SNRNP40: variants seen among roughly 807,000 people sequenced by gnomAD.
SNRNP40 encodes small nuclear ribonucleoprotein U5 subunit 40, also known as U5 small nuclear ribonucleoprotein 40 kDa protein.
A neutral mutation model predicts 45.8 loss-of-function variants in SNRNP40; 21 were observed. The observed-to-expected ratio is 0.46, with a 90% CI of 0.32 to 0.66. The LOEUF is 0.66. Among genes scored for constraint, SNRNP40 ranks in the 30% least tolerant of loss-of-function variants. The pLI, the probability that SNRNP40 is intolerant of heterozygous loss-of-function variation, is 0.03. For synonymous variants in SNRNP40, 142 were observed against 163.8 expected, an observed-to-expected ratio of 0.87 and a Z score of 1.01; for missense variants, 344 against 439.1, an observed-to-expected ratio of 0.78 and a Z score of 1.94.
chr1:31,294,200 T>C (rs1405544076), intron 1 of SNRNP40, among the ~76,000 whole-genome samples: 1 of 152,082 alleles, frequency 6.6e-6, no homozygotes, highest in Admixed American at 6.5e-5. Flanking sequence ...TCATGTGATC[T>C]GCCTGCCTTG....
rs546871996 is a variant in SNRNP40 at position 31,266,055 on chromosome 1, T to C, written c.920+1816A>G. Among the ~76,000 whole-genome samples the C allele has an allele frequency of 2.0e-5, 3 of 152,296 alleles. No homozygotes were observed. In the South Asian group the frequency reaches 6.2e-4, roughly 32 times the overall value. On this transcript the variant is annotated intron_variant, in intron 8 of 9. Coordinates refer to ENST00000263694, the MANE Select transcript of SNRNP40 (RefSeq NM_004814.3). ...CACTCAAATGATCAATGTGACACTT[T>C]CACCTGGACCCTTTCTTTTTCCTCC...
At chr1:31,272,752 G>A (rs1054034357) in intron 5 of SNRNP40, among the ~76,000 whole-genome samples, 4 of 151,802 alleles carry the variant, frequency 2.6e-5, no homozygotes, top group Non-Finnish European at 4.4e-5. Flanking sequence ...AAGCTATTAA[G>A]CAAAAAAGGA....
chr1:31,282,510 T>C (rs1432331209), intron 4 of SNRNP40: 4 of 148,870 alleles, frequency 2.7e-5, no homozygotes, highest in East Asian at 4.1e-4. Context: ...TATCTATCTA[T>C]CTATCTATCT....
At position 31,293,420 on chromosome 1, in the gene SNRNP40, G is replaced by A. The variant is rs1158002758; in HGVS notation, c.142-72C>T. 1.0e-5 allele frequency: 15 copies of A among 1,459,418 alleles called. No homozygotes were observed. In the East Asian group the frequency reaches 3.3e-4, roughly 32 times the overall value. The allele number at this position is 1,459,418 out of a possible 1,614,324, so 90.4% of individuals were successfully genotyped here. A position where few individuals can be genotyped will look rare whatever the true frequency, so the allele number is the denominator to read the frequency against. ...AGGCTACAAAATTAGGGGGTGGGGA[G>A]TGGAGGGAAAAGACCAAGAAAACAA... On this transcript the variant is annotated intron_variant, in intron 1 of 9. Coordinates refer to ENST00000263694, the MANE Select transcript of SNRNP40 (RefSeq NM_004814.3).
chr1:31,261,514 T>A lies in SNRNP40; in HGVS notation c.1024+15A>T. 6.4e-7 allele frequency: 1 copy of A among 1,563,832 alleles called. No individual in the cohort carries two copies. Among genetic ancestry groups the A allele is most frequent in the Non-Finnish European group, 8.8e-7 (1 of 1,134,526 alleles). ...ATTTCCAGTTTCCCTTTCCCCCTCGTTGGGACAGACTTACTGATGGGCTCA... is the reference window on the plus strand; with the variant it reads ...ATTTCCAGTTTCCCTTTCCCCCTCGATGGGACAGACTTACTGATGGGCTCA... On this transcript the variant is annotated intron_variant, in intron 9 of 9. Coordinates refer to ENST00000263694, the MANE Select transcript of SNRNP40 (RefSeq NM_004814.3).
intron 5 of SNRNP40, among the ~76,000 whole-genome samples, 159 bp from the exon 6 acceptor site, chr1:31,271,658 A>ATTTTTTTTT (rs113021667): frequency 6.7e-6 from 1 of 150,248 alleles, no homozygotes. Context: ...TTTAATTTTC[A>ATTTTTTTTT]TTTTTTTTTT....
At chr1:31,286,576 T>C (rs1050997016) in intron 4 of SNRNP40, among the ~76,000 whole-genome samples, 1 of 152,102 alleles carries the variant, frequency 6.6e-6, no homozygotes, top group Non-Finnish European at 1.5e-5. Context: ...CACCAAATCA[T>C]TTCTACCCTG....
intron 4 of SNRNP40, chr1:31,281,760 C>T (rs1646018069): frequency 7.3e-6 from 2 of 274,336 alleles, no homozygotes; most frequent in Non-Finnish European, 6.9e-6. Context: ...AATCAACATA[C>T]TCTTAGAATG....
chr1:31,284,833 A>T (rs888820314), intron 4 of SNRNP40, among the ~76,000 whole-genome samples: 2 of 152,208 alleles, frequency 1.3e-5, no homozygotes, highest in African/African-American at 4.8e-5. Context: ...ACTAAAAATT[A>T]GTTCATTACT....
chr1:31,269,450 T>G, intron 6 of SNRNP40: 1 of 1,230,174 alleles, frequency 8.1e-7, no homozygotes, highest in Non-Finnish European at 1.1e-6. Context: ...TGGGGCTAGC[T>G]GAGGGGGCAG....
intron 7 of SNRNP40, among the ~76,000 whole-genome samples, chr1:31,268,387 A>T (rs968347661): frequency 2.0e-5 from 3 of 150,614 alleles, no homozygotes; most frequent in Non-Finnish European, 4.4e-5. Flanking sequence ...GGCCCAAGTG[A>T]TCCTCCCACT....
chr1:31,287,125 T>C (rs1286204442), intron 4 of SNRNP40, among the ~76,000 whole-genome samples: 1 of 152,200 alleles, frequency 6.6e-6, no homozygotes, highest in Non-Finnish European at 1.5e-5. Flanking sequence ...TGACTTTTTT[T>C]CCTCTTAAAC....
At chr1:31,269,963 C>T (rs991075240) in intron 6 of SNRNP40, among the ~76,000 whole-genome samples, 2 of 152,028 alleles carry the variant, frequency 1.3e-5, no homozygotes, top group Non-Finnish European at 2.9e-5. Context: ...AGTGCAGTGG[C>T]GTGATCTCGG....
intron 4 of SNRNP40, 47 bp from the exon 5 acceptor site, chr1:31,281,543 G>A (rs748039725): frequency 1.3e-6 from 2 of 1,558,638 alleles, no homozygotes; most frequent in Non-Finnish European, 1.8e-6. Flanking sequence ...ATTCTAAGAA[G>A]CAATTGCACA....
Position 31,259,771 on chromosome 1 carries a change from ATCCC to A in SNRNP40, c.*297_*300del. ...AGCCAGTTACAAAAAAAAAAAAAAAATCCCAACCAACAAATTTGTCACATTGGGC... is the reference window on the plus strand; with the variant it reads ...AGCCAGTTACAAAAAAAAAAAAAAAAAACCAACAAATTTGTCACATTGGGC... On this transcript the variant is annotated 3_prime_UTR_variant, in exon 10 of 10. Transcript: ENST00000263694. 1 of 520,784 alleles carries A rather than the reference ATCCC, an allele frequency of 1.9e-6. No individual in the cohort carries two copies. Among genetic ancestry groups the A allele is most frequent in the Non-Finnish European group, 3.5e-6 (1 of 282,408 alleles). 32.3% of individuals were successfully genotyped at this position (520,784 alleles called of 1,614,324 possible).
chr1:31,287,381 T>C (rs552581530), intron 4 of SNRNP40, among the ~76,000 whole-genome samples: 2 of 152,218 alleles, frequency 1.3e-5, no homozygotes, highest in East Asian at 1.9e-4. Flanking sequence ...TTCCAAATCA[T>C]GTTTAATTAA....
chr1:31,296,680 C>A lies in SNRNP40; in HGVS notation c.72G>T (p.Leu24Phe), dbSNP rs1336892086. The change falls in exon 1 of 10, where the codon TTG (leucine) becomes TTT (phenylalanine). Residue 24 changes from leucine to phenylalanine, a missense_variant. Coordinates refer to ENST00000263694, the MANE Select transcript of SNRNP40 (RefSeq NM_004814.3). ...LVPVKRQRHE[L>F]LLGAGSGPGA... Reference sequence around the variant, plus strand: ...CTGGGCCAGACCCCGCTCCCAACAGCAACTCATGCCGCTGCCGCTTGACTG... The same window carrying A: ...CTGGGCCAGACCCCGCTCCCAACAGAAACTCATGCCGCTGCCGCTTGACTG... 9 of 1,613,990 alleles carry A rather than the reference C, an allele frequency of 5.6e-6. No individual in the cohort carries two copies. Among genetic ancestry groups the A allele is most frequent in the Non-Finnish European group, 7.6e-6 (9 of 1,179,950 alleles).
intron 5 of SNRNP40, among the ~76,000 whole-genome samples, chr1:31,276,640 C>G (rs1216499143): frequency 2.6e-5 from 4 of 151,986 alleles, no homozygotes; most frequent in Non-Finnish European, 5.9e-5. Context: ...AATCCCAACA[C>G]TTTGGGAGGC....
At chr1:31,281,855 T>C (rs1646018643) in intron 4 of SNRNP40, 2 of 162,274 alleles carry the variant, frequency 1.2e-5, no homozygotes, top group Non-Finnish European at 2.7e-5. Context: ...GACTAATTCA[T>C]TAGTAGGCTG....
Sources: gnomAD v4.1 joint callset for allele counts (sites outside exome capture counted in the v4.1 genomes callset) on GRCh38, gnomAD v4.1.1 for gene constraint, MANE v1.5 for transcripts, NCBI Gene and HGNC (gene_info 2026-07-23, HGNC 2026-07-21) for gene names.